MARCHF1: variants seen among roughly 807,000 people sequenced by gnomAD.
MARCHF1 encodes membrane associated ring-CH-type finger 1.
In MARCHF1, 40 loss-of-function variants were observed where a neutral mutation model predicts 54.2. The observed-to-expected ratio is 0.74, with a 90% CI of 0.57 to 0.96. The LOEUF (loss-of-function observed/expected upper bound fraction) is 0.96, where lower values mean the gene tolerates loss of function less well. MARCHF1 is among the 40% of genes least tolerant of loss of function. MARCHF1 has a pLI of 0.00. For synonymous variants in MARCHF1, 236 were observed against 236.3 expected (o/e 1.00, Z 0.01); for missense variants, 586 against 656.5 (o/e 0.89, Z 1.17).
chr4:164,113,215 T>G (rs34291409), intron 1 of MARCHF1, among the ~76,000 whole-genome samples: 6 of 151,856 alleles, frequency 4.0e-5, no homozygotes, highest in African/African-American at 1.4e-4. Context: ...TTATGAAATA[T>G]CATTGGGTGC....
chr4:163,674,199 T>A (rs978454818), intron 5 of MARCHF1, among the ~76,000 whole-genome samples: 1 of 151,926 alleles, frequency 6.6e-6, no homozygotes, highest in African/African-American at 2.4e-5. Flanking sequence ...CAAAGCAAAA[T>A]GCAAACAACA....
chr4:164,036,323 A>G (rs1046573660), intron 2 of MARCHF1, among the ~76,000 whole-genome samples: 2 of 152,074 alleles, frequency 1.3e-5, no homozygotes, highest in Non-Finnish European at 2.9e-5. Context: ...ATCTTTTTCT[A>G]TACTACAATT....
intron 2 of MARCHF1, among the ~76,000 whole-genome samples, chr4:164,074,517 T>C (rs529492865): frequency 2.0e-5 from 3 of 152,332 alleles, no homozygotes; most frequent in African/African-American, 7.2e-5. Context: ...TAAAAATTCA[T>C]CTAAATACTT....
chr4:164,208,963 T>C, intron 1 of MARCHF1, among the ~76,000 whole-genome samples: 1 of 149,442 alleles, frequency 6.7e-6, no homozygotes, highest in Non-Finnish European at 1.5e-5. Context: ...TGTCTGTCTG[T>C]CTCTCTCTCT....
At position 164,058,644 on chromosome 4, in the gene MARCHF1, C is replaced by T. The variant is rs73869011; in HGVS notation, c.-248+52944G>A. ...CACATGACCCTGCATCCTGCCACCT[C>T]CCCATCTCCCTAGGACAGGCGGGTT... On this transcript the variant is annotated intron_variant, in intron 2 of 9. Coordinates refer to ENST00000514618, the MANE Select transcript of MARCHF1 (RefSeq NM_001394959.1). Among the ~76,000 whole-genome samples, 556 of 152,330 alleles carry T rather than the reference C, an allele frequency of 3.6e-3. 3 individuals are homozygous for T. The highest frequency in any genetic ancestry group is 0.01 in the Middle Eastern group (3 of 294).
intron 5 of MARCHF1, among the ~76,000 whole-genome samples, chr4:163,689,954 G>T (rs1224893229): frequency 6.6e-6 from 1 of 152,060 alleles, no homozygotes; most frequent in African/African-American, 2.4e-5. Context: ...TTACTATCTT[G>T]GCTCTAAGCT....
chr4:163,797,538 GT>G (rs1190785957), intron 4 of MARCHF1, among the ~76,000 whole-genome samples: 2 of 151,906 alleles, frequency 1.3e-5, no homozygotes, highest in African/African-American at 4.8e-5. Context: ...ACATGTTCAT[GT>G]TATTCTTAGT....
intron 3 of MARCHF1, among the ~76,000 whole-genome samples, chr4:163,905,798 A>C (rs1367260199): frequency 6.6e-6 from 1 of 151,998 alleles, no homozygotes; most frequent in East Asian, 1.9e-4. Context: ...ATTCTTCTTC[A>C]CCTGATCTCT....
At chr4:163,617,648 A>C (rs1741557877) in intron 5 of MARCHF1, among the ~76,000 whole-genome samples, 1 of 152,152 alleles carries the variant, frequency 6.6e-6, no homozygotes, top group African/African-American at 2.4e-5. Flanking sequence ...AGCAGTATAT[A>C]ATGTTGTTAA....
intron 4 of MARCHF1, among the ~76,000 whole-genome samples, chr4:163,763,756 T>G (rs1396570663): frequency 6.6e-6 from 1 of 152,122 alleles, no homozygotes; most frequent in African/African-American, 2.4e-5. Flanking sequence ...AGCTCTGCTT[T>G]CAAATTAATG....
chr4:164,195,690 T>G (rs1731236183), intron 1 of MARCHF1, among the ~76,000 whole-genome samples: 2 of 152,202 alleles, frequency 1.3e-5, no homozygotes, highest in Admixed American at 1.3e-4. Context: ...CCAGGAAGAT[T>G]ATACAGACCA....
At chr4:164,067,831 G>A (rs1267686823) in intron 2 of MARCHF1, among the ~76,000 whole-genome samples, 1 of 152,034 alleles carries the variant, frequency 6.6e-6, no homozygotes, top group African/African-American at 2.4e-5. Flanking sequence ...TCCAATAAAG[G>A]TCTAATATCC....
intron 1 of MARCHF1, among the ~76,000 whole-genome samples, chr4:164,274,928 G>T (rs1490320412): frequency 8.6e-5 from 13 of 150,814 alleles, no homozygotes; most frequent in Non-Finnish European, 1.9e-4. Context: ...CACCCGCCTC[G>T]GCCTCCCAAA....
At chr4:163,766,246 G>A (rs1746973838) in intron 4 of MARCHF1, among the ~76,000 whole-genome samples, 1 of 151,846 alleles carries the variant, frequency 6.6e-6, no homozygotes, top group Non-Finnish European at 1.5e-5. Context: ...AGAAACTAAA[G>A]GAAAAATGAA....
chr4:163,887,967 T>C (rs1487974361), intron 3 of MARCHF1, among the ~76,000 whole-genome samples: 2 of 152,182 alleles, frequency 1.3e-5, no homozygotes, highest in African/African-American at 2.4e-5. Context: ...TTCACAATGA[T>C]ATAAAGTGTG....
Position 164,199,708 on chromosome 4 carries a change from AGAGAAG to A in MARCHF1, c.-322-88052_-322-88047del, listed in dbSNP as rs1190026109. On this transcript the variant is annotated intron_variant, in intron 1 of 9. Transcript: ENST00000514618. The stretch of plus-strand genomic sequence containing the variant: ...GAGAGAGAGAGAGAGAGAGAGAGAG[AGAGAAG>A]AGAGGAGAAGAGAAGATAAAAGAAG... Among the ~76,000 whole-genome samples the A allele has an allele frequency of 5.5e-4, 80 of 146,200 alleles. 1 individual carries two copies. The highest frequency in any genetic ancestry group is 1.9e-3 in the African/African-American group (76 of 39,586).
chr4:164,166,693 G>T (rs34802054), intron 1 of MARCHF1, among the ~76,000 whole-genome samples: 27,602 of 151,608 alleles, frequency 0.18, 3,092 homozygotes, highest in Non-Finnish European at 0.26. Context: ...AAATAAGAAT[G>T]GAAGAAGTAA....
intron 2 of MARCHF1, among the ~76,000 whole-genome samples, chr4:164,040,120 G>T (rs1754093368): frequency 7.2e-6 from 1 of 139,780 alleles, no homozygotes; most frequent in South Asian, 2.3e-4. Context: ...ATTATATAAA[G>T]GTATTTAAAA....
chr4:163,844,076 C>T (rs1218482721), intron 4 of MARCHF1, among the ~76,000 whole-genome samples: 1 of 151,942 alleles, frequency 6.6e-6, no homozygotes, highest in East Asian at 1.9e-4. Context: ...TATTTCATCA[C>T]CCAAGTATTA....
Sources: allele counts gnomAD v4.1 joint callset (sites outside exome capture counted in the v4.1 genomes callset), GRCh38; gene constraint gnomAD v4.1.1; transcripts MANE v1.5; gene names NCBI Gene and HGNC (gene_info 2026-07-23, HGNC 2026-07-21).